The following ABCA13 variants were observed in gnomAD, a reference collection of about 807,000 sequenced individuals.
The protein encoded by ABCA13 is ATP-binding cassette sub-family A member 13.
A neutral mutation model predicts 478.7 loss-of-function variants in ABCA13; 476 were observed. The ratio of observed to expected loss-of-function variants is 0.99; its 90% CI spans 0.92 to 1.07. The LOEUF (loss-of-function observed/expected upper bound fraction) is 1.07, where lower values mean the gene tolerates loss of function less well. ABCA13 is among the 50% of genes least tolerant of loss of function. ABCA13 has a pLI of 0.00. For synonymous variants in ABCA13, 2,252 were observed against 2,158.9 expected (o/e 1.04, Z -1.20); for missense variants, 6,060 against 5,910.6 (o/e 1.03, Z -0.83).
At chr7:48,189,337 T>G (rs1796783248) in intron 1 of ABCA13, among the ~76,000 whole-genome samples, 1 of 148,070 alleles carries the variant, frequency 6.8e-6, no homozygotes, top group Admixed American at 6.8e-5. Flanking sequence ...TTTGCACCCC[T>G]GCAGAGAAAT....
chr7:48,397,519 G>C (rs2129064447), intron 38 of ABCA13, among the ~76,000 whole-genome samples: 1 of 151,974 alleles, frequency 6.6e-6, no homozygotes, highest in South Asian at 2.1e-4. Context: ...TTACCCAGGG[G>C]TCAGGGTCTG....
rs1828940986 is a variant in ABCA13, at chr7:48,483,141, C to T, written c.13160C>T (p.Ser4387Leu). 3 of 1,612,930 alleles carry T rather than the reference C, an allele frequency of 1.9e-6. No individual in the cohort carries two copies. The change falls in exon 47 of 62, where the codon TCA becomes TTA. Residue 4387 changes from serine to leucine, a missense_variant. Coordinates refer to ENST00000435803, the MANE Select transcript of ABCA13 (RefSeq NM_152701.5). Reference protein sequence around the residue: ...SEAGGANGNISKPPTLAKVWY... With the variant: ...SEAGGANGNILKPPTLAKVWY... ...GCTGGAGGTGCAAATGGAAACATATCAAAACCCCCAACTCTGGCAAAGGTA... is the reference window on the plus strand; with the variant it reads ...GCTGGAGGTGCAAATGGAAACATATTAAAACCCCCAACTCTGGCAAAGGTA...
At chr7:48,484,206 A>C (rs1829064383) in intron 47 of ABCA13, among the ~76,000 whole-genome samples, 2 of 152,222 alleles carry the variant, frequency 1.3e-5, no homozygotes. Flanking sequence ...GTCATACTTC[A>C]CAATGTAATC....
At chr7:48,618,768 G>A (rs982940285) in intron 59 of ABCA13, among the ~76,000 whole-genome samples, 6 of 152,156 alleles carry the variant, frequency 3.9e-5, no homozygotes, top group Non-Finnish European at 7.3e-5. Flanking sequence ...GAGGTGGATT[G>A]TGGCTTAACA....
intron 42 of ABCA13, among the ~76,000 whole-genome samples, chr7:48,437,835 G>A (rs74979060): frequency 0.014 from 2,187 of 152,116 alleles, 47 homozygotes; most frequent in African/African-American, 0.05. Flanking sequence ...TGGGCATGTA[G>A]CCTATCTGAG....
chr7:48,259,123 C>T (rs1357231405), intron 15 of ABCA13, among the ~76,000 whole-genome samples: 2 of 151,876 alleles, frequency 1.3e-5, no homozygotes, highest in Non-Finnish European at 2.9e-5. Context: ...TCTGTTAGGC[C>T]CATTTTGTCA....
intron 42 of ABCA13, among the ~76,000 whole-genome samples, chr7:48,431,479 G>T (rs1822145650): frequency 6.6e-6 from 1 of 152,178 alleles, no homozygotes; most frequent in Non-Finnish European, 1.5e-5. Context: ...TGTTGTGATA[G>T]GTGGTGTGTT....
chr7:48,484,124 C>A (rs1415791210), intron 47 of ABCA13, among the ~76,000 whole-genome samples: 3 of 152,146 alleles, frequency 2.0e-5, no homozygotes, highest in African/African-American at 7.2e-5. Flanking sequence ...TAAAGACATG[C>A]ACATGTTGGA....
intron 10 of ABCA13, among the ~76,000 whole-genome samples, chr7:48,244,319 A>G (rs1283091381): frequency 2.6e-5 from 4 of 152,198 alleles, no homozygotes; most frequent in Admixed American, 6.5e-5. Context: ...CTTCTTTTAC[A>G]CACACCTAGG....
chr7:48,585,564 A>G (rs1193174704), intron 56 of ABCA13, among the ~76,000 whole-genome samples: 1 of 152,182 alleles, frequency 6.6e-6, no homozygotes, highest in Non-Finnish European at 1.5e-5. Context: ...GGGGGGCATA[A>G]TGATTATCCT....
At chr7:48,395,316 G>A (rs1816693779) in intron 38 of ABCA13, among the ~76,000 whole-genome samples, 1 of 152,152 alleles carries the variant, frequency 6.6e-6, no homozygotes, top group Admixed American at 6.5e-5. Flanking sequence ...AACAGATTAG[G>A]CCAGGAGAGG....
intron 31 of ABCA13, among the ~76,000 whole-genome samples, chr7:48,363,187 A>G (rs1811155217): frequency 6.6e-6 from 1 of 152,142 alleles, no homozygotes; most frequent in African/African-American, 2.4e-5. Flanking sequence ...CTGAATTCCT[A>G]CATACGTAAA....
chr7:48,360,816 A>G (rs370736581), intron 31 of ABCA13, among the ~76,000 whole-genome samples: 3 of 152,002 alleles, frequency 2.0e-5, no homozygotes, highest in Admixed American at 6.5e-5. Context: ...ATCGCATGAC[A>G]TATGTAGTAG....
chr7:48,491,832 T>C (rs1428772924), intron 48 of ABCA13, among the ~76,000 whole-genome samples: 2 of 152,208 alleles, frequency 1.3e-5, no homozygotes, highest in Non-Finnish European at 2.9e-5. Flanking sequence ...ATTAGCTTAA[T>C]ACTTAGAGTG....
Position 48,180,503 on chromosome 7 carries a change from C to G in ABCA13, c.69+8951C>G, listed in dbSNP as rs796177056. On this transcript the variant is annotated intron_variant, in intron 1 of 61. Coordinates refer to ENST00000435803, the MANE Select transcript of ABCA13 (RefSeq NM_152701.5). ...TGGCGTGATCTCAGCTTACTGCAGC[C>G]TCCGCCTCCTGGGTTCAAACAACTC... Among the ~76,000 whole-genome samples, 5 of 152,304 alleles carry G rather than the reference C, an allele frequency of 3.3e-5. No individual in the cohort carries two copies. In the South Asian group the frequency reaches 1.0e-3, roughly 32 times the overall value.
chr7:48,178,977 A>C (rs1295102125), intron 1 of ABCA13, among the ~76,000 whole-genome samples: 1 of 36,272 alleles, frequency 2.8e-5, no homozygotes, highest in Non-Finnish European at 5.2e-5. Context: ...AACAAAAACT[A>C]ATAATAATAA....
chr7:48,541,771 T>C (rs1195765992), intron 55 of ABCA13, among the ~76,000 whole-genome samples: 1 of 146,056 alleles, frequency 6.8e-6, no homozygotes, highest in Non-Finnish European at 1.6e-5. Flanking sequence ...GATATATATC[T>C]TAGTTATATC....
rs776443594 is a variant in ABCA13, at chr7:48,511,068, C to A, written c.13525-16C>A. On this transcript the variant is annotated splice_polypyrimidine_tract_variant and intron_variant, in intron 50 of 61. Coordinates refer to ENST00000435803, the MANE Select transcript of ABCA13 (RefSeq NM_152701.5). ...CTGATGTAACAGCTCTCCCTTATTT[C>A]TTTTTATCTTCTCAGCTCTTTTACT... The A allele has an allele frequency of 3.1e-6, 5 of 1,600,932 alleles. No individual in the cohort carries two copies. In the South Asian group the frequency reaches 3.3e-5, roughly 11 times the overall value.
intron 42 of ABCA13, among the ~76,000 whole-genome samples, chr7:48,442,530 C>T (rs1171413426): frequency 6.6e-6 from 1 of 152,086 alleles, no homozygotes; most frequent in Non-Finnish European, 1.5e-5. Flanking sequence ...TTCCAAGGCT[C>T]AATATACATA....
Sources: allele counts gnomAD v4.1 joint callset (sites outside exome capture counted in the v4.1 genomes callset), GRCh38; gene constraint gnomAD v4.1.1; transcripts MANE v1.5; gene names NCBI Gene and HGNC (gene_info 2026-07-23, HGNC 2026-07-21).